The following FGFR1 variants were observed in gnomAD, a reference collection of about 807,000 sequenced individuals.
The protein encoded by FGFR1 is FGFR1/PLAG1 fusion.
A neutral mutation model predicts 93.7 loss-of-function variants in FGFR1; 18 were observed. That is an observed-to-expected ratio of 0.19 (90% CI 0.13 to 0.28). The LOEUF (loss-of-function observed/expected upper bound fraction) is 0.28. FGFR1 is among the 10% of genes least tolerant of loss of function. The pLI is 1.00. For synonymous variants in FGFR1, 448 were observed against 429.3 expected, an observed-to-expected ratio of 1.04 and a Z score of -0.54; for missense variants, 731 against 1,080.4, an observed-to-expected ratio of 0.68 and a Z score of 4.53.
At chr8:38,436,892 C>A (rs1221030364) in intron 2 of FGFR1, among the ~76,000 whole-genome samples, 2 of 152,160 alleles carry the variant, frequency 1.3e-5, no homozygotes, top group Non-Finnish European at 2.9e-5. Flanking sequence ...CAGCATTTTG[C>A]TTCTAGCAGG....
intron 9 of FGFR1, among the ~76,000 whole-genome samples, 181 bp downstream of exon 9, chr8:38,419,352 C>G (rs918170432): frequency 5.3e-5 from 8 of 152,162 alleles, no homozygotes; most frequent in African/African-American, 1.9e-4. Context: ...GCAGGAAATT[C>G]ACGGGCTACA....
At chr8:38,417,542 T>C in intron 11 of FGFR1, 126 bp from the exon 12 acceptor site, 1 of 863,902 alleles carries the variant, frequency 1.2e-6, no homozygotes, top group Non-Finnish European at 1.9e-6. Flanking sequence ...CCCCACTTCA[T>C]CCAAACTTGT....
At chr8:38,454,662 G>C (rs769515343) in intron 2 of FGFR1, among the ~76,000 whole-genome samples, 13 of 152,208 alleles carry the variant, frequency 8.5e-5, no homozygotes, top group Non-Finnish European at 1.9e-4. Flanking sequence ...AGCAGTGGCA[G>C]CAATAGCAAC....
At position 38,457,203 on chromosome 8, in the gene FGFR1, T is replaced by C. The variant is rs1586744048; in HGVS notation, c.91+153A>G. ...CCAGACCAGAACCAACCCAGGTATC[T>C]TGAGAGTTTCTCCTACAGGAAGGGA... On this transcript the variant is annotated intron_variant, in intron 2 of 17. Coordinates refer to ENST00000447712, the MANE Select transcript of FGFR1 (RefSeq NM_023110.3). 3.3e-5 allele frequency among the ~76,000 whole-genome samples: 5 copies of C among 152,346 alleles called. 1 individual carries two copies. In the South Asian group the frequency reaches 8.3e-4, roughly 25 times the overall value.
chr8:38,428,575 T>A, intron 3 of FGFR1, 140 bp from the exon 4 acceptor site: 1 of 711,354 alleles, frequency 1.4e-6, no homozygotes, highest in South Asian at 1.5e-5. Context: ...GATCTCTTGG[T>A]GGGATGGAAA....
At chr8:38,465,292 C>T in intron 1 of FGFR1, 1 of 232,468 alleles carries the variant, frequency 4.3e-6, no homozygotes, top group Non-Finnish European at 8.5e-6. Context: ...GGCCTGAATT[C>T]CCATTGGGAA....
chr8:38,432,113 G>A (rs971914695), intron 2 of FGFR1, among the ~76,000 whole-genome samples: 1 of 152,136 alleles, frequency 6.6e-6, no homozygotes, highest in Non-Finnish European at 1.5e-5. Context: ...GAAAAAAGCA[G>A]CTCCCAAAGA....
At chr8:38,422,994 C>T in intron 7 of FGFR1, 1 of 778,092 alleles carries the variant, frequency 1.3e-6, no homozygotes, top group Non-Finnish European at 2.4e-6. Flanking sequence ...ATCAAATCCC[C>T]AGCACAGGGT....
chr8:38,414,271 G>A lies in FGFR1; in HGVS notation c.2067C>T (p.Leu689=), dbSNP rs766598761. ...CGCCCAGAGTGAAGATCTCCCACAG[G>A]AGCACCCCGAAAGACCACCTGCAAA... The part of the protein sequence containing the change: ...HQSDVWSFGV[L]LWEIFTLGGS... The change falls in exon 16 of 18, where the codon CTC becomes CTT. Residue 689 remains leucine, a synonymous_variant. Coordinates refer to ENST00000447712, the MANE Select transcript of FGFR1 (RefSeq NM_023110.3). The A allele has an allele frequency of 9.3e-6, 15 of 1,613,894 alleles. No individual in the cohort carries two copies. The highest frequency in any genetic ancestry group is 6.7e-5 in the East Asian group (3 of 44,862).
intron 13 of FGFR1, 71 bp from the exon 14 acceptor site, chr8:38,414,972 C>A (rs542564959): frequency 1.4e-5 from 18 of 1,312,178 alleles, no homozygotes; most frequent in Non-Finnish European, 2.0e-5. Flanking sequence ...CGGCCGCCAC[C>A]CATGCAACTA....
Position 38,429,809 on chromosome 8 carries a change from G to C in FGFR1, c.231C>G (p.Asn77Lys), listed in dbSNP as rs767195580. 1.4e-4 allele frequency: 220 copies of C among 1,613,696 alleles called. No individual in the cohort carries two copies. Among genetic ancestry groups the C allele is most frequent in the Non-Finnish European group, 1.7e-4 (204 of 1,179,870 alleles). The change falls in exon 3 of 18, where the codon AAC becomes AAG. Residue 77 changes from asparagine (N) to lysine (K), a missense_variant. Physicochemically the swap from Asn to Lys is moderately conservative, Grantham distance 94. Around this residue, in one of 10 missense-constraint regions of FGFR1, gnomAD observed 212 missense variants for 205.8 expected, o/e 1.03. Coordinates refer to ENST00000447712, the MANE Select transcript of FGFR1 (RefSeq NM_023110.3). The surrounding 1 kb of genome is among the most constrained non-coding windows in gnomAD (Gnocchi z 4.4). The part of the protein sequence containing the change: ...LRDGVQLAES[N>K]RTRITGEEVE... The stretch of plus-strand genomic sequence containing the variant: ...CCTCCTCCCCTGTGATGCGGGTGCG[G>C]TTGCTTTCCGCCAGCTGCACCCCGT...
At chr8:38,445,322 T>A (rs939309799) in intron 2 of FGFR1, among the ~76,000 whole-genome samples, 1 of 152,128 alleles carries the variant, frequency 6.6e-6, no homozygotes, top group Non-Finnish European at 1.5e-5. Context: ...CTGGGGTGCT[T>A]CTCCAGAATC....
At position 38,429,113 on chromosome 8, in the gene FGFR1, G is replaced by C. The variant is rs1437783148; in HGVS notation, c.358+569C>G. ...GTCCACACCCTGAGGTGCATAAATG[G>C]CATAAAGAAAATTTCAGCTCCACTT... is the stretch of plus-strand genomic sequence containing the variant. On this transcript the variant is annotated intron_variant, in intron 3 of 17. Transcript: ENST00000447712. The surrounding 1 kb of genome is among the most constrained non-coding windows in gnomAD (Gnocchi z 4.4). 1 of 361,372 alleles carries C rather than the reference G, an allele frequency of 2.8e-6. No individual in the cohort carries two copies. The highest frequency in any genetic ancestry group is 5.5e-6 in the Non-Finnish European group (1 of 182,700). The allele number at this position is 361,372 out of a possible 1,614,324, so 22.4% of individuals were successfully genotyped here.
intron 2 of FGFR1, among the ~76,000 whole-genome samples, chr8:38,437,376 G>C (rs1243407716): frequency 1.3e-5 from 2 of 152,176 alleles, no homozygotes; most frequent in Non-Finnish European, 2.9e-5. Flanking sequence ...TGCCCTAACA[G>C]GGGTGCTCAG....
At chr8:38,444,603 G>A (rs2151169158) in intron 2 of FGFR1, among the ~76,000 whole-genome samples, 1 of 135,310 alleles carries the variant, frequency 7.4e-6, no homozygotes, top group Admixed American at 8.6e-5. Context: ...TGTTGGCCAG[G>A]CTGGTCTTGA....
intron 2 of FGFR1, among the ~76,000 whole-genome samples, chr8:38,451,943 C>G (rs1045377372): frequency 6.6e-6 from 1 of 152,262 alleles, no homozygotes; most frequent in Admixed American, 6.5e-5. Context: ...CGGCTTCAGT[C>G]TTTCCAAACA....
rs2150629541 is a variant in FGFR1, at chr8:38,417,386, A to G, written c.1583T>C (p.Leu528Pro). ...CTTCATCATCTCCATTTCTGAGATCAGGTCTGACAAGTCTTTCTCTGTTGC... is the reference window on the plus strand; with the variant it reads ...CTTCATCATCTCCATTTCTGAGATCGGGTCTGACAAGTCTTTCTCTGTTGC... ...SDATEKDLSD[L>P]ISEMEMMKMI... The change falls in exon 12 of 18, where the codon CTG (leucine) becomes CCG (proline). Residue 528 changes from leucine to proline, a missense_variant. Physicochemically the swap from Leu to Pro is moderately conservative, Grantham distance 98. Coordinates refer to ENST00000447712, the MANE Select transcript of FGFR1 (RefSeq NM_023110.3). 1 of 1,614,040 alleles carries G rather than the reference A, an allele frequency of 6.2e-7. No homozygotes were observed. The highest frequency in any genetic ancestry group is 8.5e-7 in the Non-Finnish European group (1 of 1,180,020).
chr8:38,421,182 G>A (rs893572903), intron 8 of FGFR1, among the ~76,000 whole-genome samples: 5 of 152,172 alleles, frequency 3.3e-5, no homozygotes, highest in South Asian at 2.1e-4. Context: ...GGCTCAACAC[G>A]CAGACCTCCC....
At chr8:38,454,507 C>A (rs1191389455) in intron 2 of FGFR1, among the ~76,000 whole-genome samples, 2 of 152,166 alleles carry the variant, frequency 1.3e-5, no homozygotes, top group Non-Finnish European at 2.9e-5. Context: ...GACACCCAAC[C>A]TACTTAAACC....
Sources: allele counts gnomAD v4.1 joint callset (sites outside exome capture counted in the v4.1 genomes callset), GRCh38; gene constraint gnomAD v4.1.1; regional missense constraint gnomAD v4.1.1; non-coding constraint Gnocchi (gnomAD v3.1); transcripts MANE v1.5; gene names NCBI Gene and HGNC (gene_info 2026-07-23, HGNC 2026-07-21).